The following ZNF185 variants were observed in gnomAD, a reference collection of about 807,000 sequenced individuals.
The protein encoded by ZNF185 is zinc finger protein 185.
A neutral mutation model predicts 58.6 loss-of-function variants in ZNF185; 56 were observed. That is an observed-to-expected ratio of 0.95 (90% CI 0.77 to 1.19). The LOEUF is 1.19. Among genes scored for constraint, ZNF185 ranks in the 50% most tolerant of loss-of-function variants. The pLI is 0.00. For synonymous variants in ZNF185, 230 were observed against 215.9 expected (o/e 1.07, Z -0.57); for missense variants, 627 against 573.5 (o/e 1.09, Z -0.95).
intron 15 of ZNF185, among the ~76,000 whole-genome samples, chrX:152,943,132 G>T (rs1277693370): frequency 9.0e-6 from 1 of 110,872 alleles, no homozygotes; most frequent in Non-Finnish European, 1.9e-5. Flanking sequence ...AACCTCCCAA[G>T]TAGCTGGGAC....
intron 6 of ZNF185, 128 bp downstream of exon 7, chrX:152,918,282 T>C (rs1938939620): frequency 1.3e-6 from 1 of 774,744 alleles, no homozygotes; most frequent in Admixed American, 2.6e-5. Context: ...TGCCTGACAC[T>C]CCCTGCCAGT....
chrX:152,966,720 C>A (rs1024178180), intron 19 of ZNF185, among the ~76,000 whole-genome samples: 1 of 111,819 alleles, frequency 8.9e-6, no homozygotes, highest in Non-Finnish European at 1.9e-5. Flanking sequence ...TTATCCAATT[C>A]TGGAACACCT....
chrX:152,930,075 A>T (rs1259632749), intron 12 of ZNF185, among the ~76,000 whole-genome samples: 6 of 112,340 alleles, frequency 5.3e-5, no homozygotes, highest in Non-Finnish European at 7.5e-5. Context: ...CATTTTACAG[A>T]TTAAGAAACT....
Position 152,970,193 on chromosome X carries a change from C to T in ZNF185, c.1975-250C>T, listed in dbSNP as rs782318825. Reference sequence around the variant, plus strand: ...GCCAAACAGGTTCCCCTTTGCTTGCCCACTGGCCCTTGAAAGTAGCTGAGC... The same window carrying T: ...GCCAAACAGGTTCCCCTTTGCTTGCTCACTGGCCCTTGAAAGTAGCTGAGC... On this transcript the variant is annotated intron_variant, in intron 21 of 22. Transcript: ENST00000449285. 4.5e-5 allele frequency among the ~76,000 whole-genome samples: 5 copies of T among 111,376 alleles called. No homozygotes were observed. In the Admixed American group the frequency reaches 4.8e-4, roughly 11 times the overall value.
At chrX:152,930,036 T>C (rs142708893) in intron 12 of ZNF185, among the ~76,000 whole-genome samples, 227 of 112,813 alleles carry the variant, frequency 2.0e-3, no homozygotes, top group Non-Finnish European at 3.4e-3. Flanking sequence ...GCATCCATTC[T>C]GCATGGATGT....
intron 14 of ZNF185, among the ~76,000 whole-genome samples, chrX:152,936,876 G>A (rs1386125816): frequency 9.1e-6 from 1 of 110,419 alleles, no homozygotes; most frequent in Non-Finnish European, 1.9e-5. Flanking sequence ...AGGAGTCAGG[G>A]AGAAGATTCC....
intron 18 of ZNF185, among the ~76,000 whole-genome samples, chrX:152,965,059 A>T (rs2049968300): frequency 9.0e-6 from 1 of 111,363 alleles, no homozygotes. Context: ...GGCTTGGAGG[A>T]TATCTTGGTT....
At chrX:152,964,500 G>C (rs2049909613) in intron 18 of ZNF185, among the ~76,000 whole-genome samples, 1 of 111,890 alleles carries the variant, frequency 8.9e-6, no homozygotes, top group African/African-American at 3.3e-5. Context: ...GGAGGGCCCG[G>C]ACTTTGAAAC....
Position 152,938,121 on chromosome X carries a change from A to G in ZNF185, c.1169A>G (p.Asn390Ser), listed in dbSNP as rs374571886. ...GCTGTCCCTGCTGATAGGAAGAGCA[A>G]CAGCACAGCAGCCCAGGAGGATGCA... is the stretch of plus-strand genomic sequence containing the variant. Residue 390 changes from asparagine (N) to serine (S), a missense_variant, in exon 15 of 23, where the codon AAC (asparagine) becomes AGC (serine). By Grantham distance (46) the Asn-to-Ser change is conservative (BLOSUM62 1). Transcript: ENST00000449285. 13 of 1,185,890 alleles carry G rather than the reference A, an allele frequency of 1.1e-5. No individual in the cohort carries two copies. The highest frequency in any genetic ancestry group is 1.0e-4 in the African/African-American group (6 of 57,171).
chrX:152,967,978 C>G (rs548264004), intron 20 of ZNF185, among the ~76,000 whole-genome samples: 36 of 112,251 alleles, frequency 3.2e-4, no homozygotes, highest in Middle Eastern at 4.6e-3. Context: ...ACTCTGCCAT[C>G]TTGCTTCTCA....
chrX:152,906,001 G>A, the ZNF185 span, among the ~76,000 whole-genome samples: 1 of 112,658 alleles, frequency 8.9e-6, no homozygotes, highest in African/African-American at 3.2e-5. Context: ...GGGGAAAGGT[G>A]TAGCAGCTGG....
At chrX:152,937,551 C>A (rs1272542482) in intron 14 of ZNF185, among the ~76,000 whole-genome samples, 2 of 111,848 alleles carry the variant, frequency 1.8e-5, no homozygotes, top group Non-Finnish European at 3.8e-5. Context: ...TCCCGTGCAC[C>A]CGCCATGTCA....
chrX:152,929,293 A>C lies in ZNF185; in HGVS notation c.917+632A>C, dbSNP rs782407369. The stretch of plus-strand genomic sequence containing the variant: ...GCCTCTGCCCTGGGGTGGGGGTCAG[A>C]CAGCCAGGTGACATGCAGGCAGGAT... On this transcript the variant is annotated intron_variant, in intron 12 of 22. Coordinates refer to ENST00000449285, the Ensembl canonical transcript of ZNF185. Among the ~76,000 whole-genome samples, 214 of 110,968 alleles carry C rather than the reference A, an allele frequency of 1.9e-3. 1 individual carries two copies. The highest frequency in any genetic ancestry group is 6.6e-3 in the African/African-American group (202 of 30,606).
Position 152,938,275 on chromosome X carries a change from C to T in ZNF185, c.1211+112C>T, listed in dbSNP as rs782132507. Reference sequence around the variant, plus strand: ...GAGGCCAGCAAGGTTTGTGAGCTGGCCTGAGGCACATAGCAAGGGCAGAAG... The same window carrying T: ...GAGGCCAGCAAGGTTTGTGAGCTGGTCTGAGGCACATAGCAAGGGCAGAAG... On this transcript the variant is annotated intron_variant, in intron 15 of 22. Coordinates refer to ENST00000449285, the Ensembl canonical transcript of ZNF185. 6.3e-5 allele frequency: 46 copies of T among 733,719 alleles called. No individual in the cohort carries two copies. The Admixed American group carries it at 1.2e-3, about 19-fold the overall frequency. 60.5% of individuals were successfully genotyped at this position (733,719 alleles called of 1,213,427 possible).
intron 19 of ZNF185, among the ~76,000 whole-genome samples, chrX:152,966,020 T>C (rs1284004112): frequency 9.1e-6 from 1 of 110,320 alleles, no homozygotes; most frequent in Non-Finnish European, 1.9e-5. Context: ...TAATTAATTT[T>C]TTTTTGAGAT....
At chrX:152,961,856 G>A (rs1274161014) in intron 17 of ZNF185, among the ~76,000 whole-genome samples, 1 of 112,154 alleles carries the variant, frequency 8.9e-6, no homozygotes, top group Non-Finnish European at 1.9e-5. Context: ...TTTGCTGGCA[G>A]TTTTGCAGCC....
chrX:152,931,870 A>C, intron 13 of ZNF185, 94 bp downstream of exon 14: 5 of 762,190 alleles, frequency 6.6e-6, no homozygotes, highest in Non-Finnish European at 9.3e-6. Context: ...GTGCAATGTC[A>C]ATGGATGCAG....
rs1165271740 is a variant in ZNF185, at chrX:152,938,048, C to T, written c.1122-26C>T. ...CCCAGCCTTCTTTGGTCTGAGATCT[C>T]AGCAGGCCTGTGTTTCCTTCCTCAG... On this transcript the variant is annotated intron_variant, in intron 14 of 22. Coordinates refer to ENST00000449285, the Ensembl canonical transcript of ZNF185. 4.3e-6 allele frequency: 5 copies of T among 1,162,781 alleles called. No individual in the cohort carries two copies. In the African/African-American group the frequency reaches 7.2e-5, roughly 17 times the overall value.
intron 11 of ZNF185, among the ~76,000 whole-genome samples, chrX:152,928,183 C>T (rs567673945): frequency 7.1e-5 from 8 of 112,335 alleles, no homozygotes; most frequent in Middle Eastern, 4.6e-3. Flanking sequence ...CTCAGTCTCT[C>T]GTACCCCTCA....
Sources: allele counts gnomAD v4.1 joint callset (sites outside exome capture counted in the v4.1 genomes callset), GRCh38; gene constraint gnomAD v4.1.1; transcripts MANE v1.5; gene names NCBI Gene and HGNC (gene_info 2026-07-23, HGNC 2026-07-21).